Variants in DACH2 observed in about 807,000 individuals in gnomAD.
DACH2 encodes the protein dachshund homolog 2.
A neutral mutation model predicts 35.8 loss-of-function variants in DACH2; 17 were observed. That is an observed-to-expected ratio of 0.48 (90% confidence interval 0.33 to 0.71). DACH2 has a LOEUF of 0.71. Ranked by LOEUF, DACH2 falls within the 30% of genes least tolerant of loss-of-function variation. DACH2 has a pLI of 0.02. For synonymous variants in DACH2, 195 were observed against 177.3 expected, an observed-to-expected ratio of 1.10 and a Z score of -0.79; for missense variants, 469 against 472.7, an observed-to-expected ratio of 0.99 and a Z score of 0.07.
chrX:86,599,526 C>CTTTCTTTCTTTCTT (rs2039762886), intron 3 of DACH2, among the ~76,000 whole-genome samples: 1 of 99,658 alleles, frequency 1.0e-5, no homozygotes. Context: ...TTCAAAGAGT[C>CTTTCTTTCTTTCTT]TCTCTCTGTC....
intron 3 of DACH2, among the ~76,000 whole-genome samples, chrX:86,577,177 C>A (rs2039446048): frequency 9.0e-6 from 1 of 111,361 alleles, no homozygotes; most frequent in Admixed American, 9.6e-5. Flanking sequence ...CTATTAATTT[C>A]ATTTTCTAAA....
intron 1 of DACH2, among the ~76,000 whole-genome samples, chrX:86,349,921 T>G (rs2035564740): frequency 8.9e-6 from 1 of 112,153 alleles, no homozygotes; most frequent in Admixed American, 9.4e-5. Flanking sequence ...ATCCCAGCAC[T>G]TTAGGAGGCT....
intron 1 of DACH2, among the ~76,000 whole-genome samples, chrX:86,356,623 C>T (rs939933235): frequency 4.5e-5 from 5 of 111,151 alleles, no homozygotes; most frequent in Non-Finnish European, 9.4e-5. Context: ...TTGCTTTGGA[C>T]AATATGGCCA....
chrX:86,701,877 A>C (rs2041148265), intron 5 of DACH2, among the ~76,000 whole-genome samples: 1 of 111,472 alleles, frequency 9.0e-6, no homozygotes, highest in African/African-American at 3.3e-5. Flanking sequence ...GGTGGAGGGT[A>C]CAAGGAGGGA....
chrX:86,237,856 G>A (rs1318885203), intron 1 of DACH2, among the ~76,000 whole-genome samples: 3 of 111,982 alleles, frequency 2.7e-5, no homozygotes, highest in Non-Finnish European at 5.6e-5. Context: ...GGAATGCAGT[G>A]GTGACTGCAA....
At chrX:86,808,119 T>G (rs57515570) in intron 7 of DACH2, among the ~76,000 whole-genome samples, 2 of 112,045 alleles carry the variant, frequency 1.8e-5, no homozygotes, top group African/African-American at 6.5e-5. Context: ...TGAACATGAT[T>G]CAAGCTTAAG....
chrX:86,411,809 A>G (rs1356599771), intron 2 of DACH2, among the ~76,000 whole-genome samples: 2 of 111,320 alleles, frequency 1.8e-5, no homozygotes, highest in Admixed American at 9.6e-5. Flanking sequence ...ACCTTCTTCT[A>G]CTACCCATCC....
chrX:86,163,193 C>A (rs1420939784), intron 1 of DACH2, among the ~76,000 whole-genome samples: 2 of 110,881 alleles, frequency 1.8e-5, no homozygotes, highest in Non-Finnish European at 3.8e-5. Flanking sequence ...TCCCTCCAGC[C>A]CTTCACTATT....
chrX:86,714,504 G>T (rs2041313317), intron 5 of DACH2, 44 bp from the exon 6 acceptor site: 1 of 1,064,942 alleles, frequency 9.4e-7, no homozygotes, highest in Non-Finnish European at 1.3e-6. Context: ...AACTATTTCA[G>T]ATAATCATAA....
intron 5 of DACH2, 149 bp from the exon 6 acceptor site, chrX:86,714,399 A>G: frequency 2.9e-6 from 1 of 344,941 alleles, no homozygotes; most frequent in East Asian, 4.6e-5. Context: ...AATATAAAAT[A>G]ACACAGGTAC....
chrX:86,279,667 G>A (rs755510567), intron 1 of DACH2, among the ~76,000 whole-genome samples: 1 of 110,331 alleles, frequency 9.1e-6, no homozygotes, highest in African/African-American at 3.3e-5. Flanking sequence ...CAGATAATGA[G>A]TTTTATGAAC....
chrX:86,155,449 A>G (rs1230802244), intron 1 of DACH2, among the ~76,000 whole-genome samples: 1 of 111,095 alleles, frequency 9.0e-6, no homozygotes, highest in Non-Finnish European at 1.9e-5. Flanking sequence ...ACAGAAACGC[A>G]TATGGTCACC....
At chrX:86,257,750 A>G (rs2033550214) in intron 1 of DACH2, among the ~76,000 whole-genome samples, 3 of 112,520 alleles carry the variant, frequency 2.7e-5, no homozygotes, top group African/African-American at 9.7e-5. Context: ...AGGAAAAAAA[A>G]TGCCTGATTA....
intron 6 of DACH2, 58 bp from the exon 7 acceptor site, chrX:86,739,689 C>T: frequency 1.7e-6 from 2 of 1,154,744 alleles, no homozygotes; most frequent in South Asian, 1.9e-5. Context: ...AGAGACTCAA[C>T]CAACATAAAA....
chrX:86,210,165 C>A (rs112679031), intron 1 of DACH2, among the ~76,000 whole-genome samples: 2,748 of 111,340 alleles, frequency 0.025, 87 homozygotes, highest in African/African-American at 0.084. Flanking sequence ...CATAGCCACC[C>A]AAAATTTGGC....
At chrX:86,162,531 G>A (rs1217120666) in intron 1 of DACH2, among the ~76,000 whole-genome samples, 2 of 110,879 alleles carry the variant, frequency 1.8e-5, no homozygotes, top group Non-Finnish European at 3.8e-5. Context: ...CTTCATTTTA[G>A]TGGTAAGATT....
intron 1 of DACH2, among the ~76,000 whole-genome samples, chrX:86,272,936 G>A (rs1430734281): frequency 1.8e-5 from 2 of 111,201 alleles, no homozygotes; most frequent in Non-Finnish European, 3.8e-5. Context: ...ATGTTTTTGG[G>A]AGGAAGGAGA....
At chrX:86,729,997 A>G (rs1048182021) in intron 6 of DACH2, among the ~76,000 whole-genome samples, 2 of 110,248 alleles carry the variant, frequency 1.8e-5, no homozygotes, top group Non-Finnish European at 3.8e-5. Flanking sequence ...CCCTTTTGCC[A>G]TATCGTTTTT....
chrX:86,302,451 A>T (rs1201415527), intron 1 of DACH2, among the ~76,000 whole-genome samples: 1 of 111,537 alleles, frequency 9.0e-6, no homozygotes, highest in Non-Finnish European at 1.9e-5. Context: ...GTAACAGATG[A>T]CCTTTTAAAA....
Sources: allele counts gnomAD v4.1 joint callset (sites outside exome capture counted in the v4.1 genomes callset), GRCh38; gene constraint gnomAD v4.1.1; transcripts MANE v1.5; gene names NCBI Gene and HGNC (gene_info 2026-07-23, HGNC 2026-07-21).